Variants in PDE11A observed in about 807,000 individuals in gnomAD.
The protein encoded by PDE11A is dual 3',5'-cyclic-AMP and -GMP phosphodiesterase 11A.
PDE11A carries 100 observed loss-of-function variants against 100.5 expected under a neutral mutation model. The observed-to-expected ratio is 1.00, with a 90% CI of 0.85 to 1.18. PDE11A has a LOEUF of 1.18. PDE11A is among the 50% of genes most tolerant of loss of function. PDE11A has a pLI of 0.00. For missense variants in PDE11A, 1,141 were observed against 1,152.6 expected, an observed-to-expected ratio of 0.99 and a Z score of 0.15; for synonymous variants, 381 against 420.8, an observed-to-expected ratio of 0.91 and a Z score of 1.16.
intron 5 of PDE11A, among the ~76,000 whole-genome samples, chr2:177,864,824 A>C (rs2105676336): frequency 6.6e-6 from 1 of 152,316 alleles, no homozygotes; most frequent in East Asian, 1.9e-4. Flanking sequence ...TGTACACACG[A>C]GGGATGCCAT....
intron 6 of PDE11A, among the ~76,000 whole-genome samples, chr2:177,837,381 C>T (rs1172177664): frequency 6.6e-6 from 1 of 152,086 alleles, no homozygotes; most frequent in Non-Finnish European, 1.5e-5. Context: ...GGAGCATGAC[C>T]TGTAACTACG....
chr2:177,727,135 A>G (rs973632978), intron 12 of PDE11A, among the ~76,000 whole-genome samples: 1 of 152,064 alleles, frequency 6.6e-6, no homozygotes, highest in Admixed American at 6.6e-5. Flanking sequence ...TTAAAACCCC[A>G]CGGGACGAGA....
chr2:178,023,177 T>C (rs906923803), intron 1 of PDE11A, among the ~76,000 whole-genome samples: 1 of 152,194 alleles, frequency 6.6e-6, no homozygotes, highest in Non-Finnish European at 1.5e-5. Flanking sequence ...GAGTTGAATG[T>C]GGTGCCATGA....
At chr2:177,770,278 A>G (rs886492485) in intron 9 of PDE11A, among the ~76,000 whole-genome samples, 1 of 152,224 alleles carries the variant, frequency 6.6e-6, no homozygotes, top group Admixed American at 6.5e-5. Context: ...AGGGAAGGGC[A>G]TGGCCTGAGA....
At chr2:177,830,675 T>C (rs1204992360) in intron 6 of PDE11A, among the ~76,000 whole-genome samples, 2 of 150,202 alleles carry the variant, frequency 1.3e-5, no homozygotes, top group Non-Finnish European at 3.0e-5. Context: ...GTGCTGAGTT[T>C]GTGGTGATCT....
At chr2:178,018,569 A>C in intron 1 of PDE11A, 1 of 354,656 alleles carries the variant, frequency 2.8e-6, no homozygotes, top group Non-Finnish European at 5.5e-6. Flanking sequence ...AAAAGGAAGT[A>C]ACAGATAAGT....
At chr2:177,774,445 T>G (rs1228489107) in intron 9 of PDE11A, among the ~76,000 whole-genome samples, 2 of 152,224 alleles carry the variant, frequency 1.3e-5, no homozygotes, top group South Asian at 2.1e-4. Flanking sequence ...AGTATTAAAC[T>G]TGGGAGAGCA....
intron 2 of PDE11A, among the ~76,000 whole-genome samples, chr2:178,079,816 T>C (rs2087260470): frequency 6.6e-6 from 1 of 152,202 alleles, no homozygotes; most frequent in Non-Finnish European, 1.5e-5. Context: ...TTCTTGGCTT[T>C]TTAATAATTG....
At chr2:178,040,625 G>A (rs954164254) in intron 1 of PDE11A, among the ~76,000 whole-genome samples, 60 of 152,168 alleles carry the variant, frequency 3.9e-4, no homozygotes, top group African/African-American at 1.3e-3. Context: ...TATGTTAATA[G>A]GAACACTGTG....
chr2:178,015,762 G>C (rs1479783475), intron 1 of PDE11A, among the ~76,000 whole-genome samples: 1 of 151,962 alleles, frequency 6.6e-6, no homozygotes, highest in Non-Finnish European at 1.5e-5. Context: ...GGGAGGGAGA[G>C]AAGGGAAGGA....
intron 5 of PDE11A, among the ~76,000 whole-genome samples, chr2:177,866,756 C>A (rs2084036572): frequency 1.3e-5 from 2 of 152,160 alleles, no homozygotes; most frequent in Non-Finnish European, 2.9e-5. Flanking sequence ...GTGCCTAATT[C>A]GAAGGATAAT....
chr2:177,937,373 A>C (rs935621953), intron 2 of PDE11A, among the ~76,000 whole-genome samples: 1 of 142,494 alleles, frequency 7.0e-6, no homozygotes, highest in Non-Finnish European at 1.5e-5. Context: ...GCTGGAGTGC[A>C]ATGGTGCAAT....
intron 19 of PDE11A, among the ~76,000 whole-genome samples, chr2:177,647,143 C>T (rs61457959): frequency 0.098 from 14,903 of 152,220 alleles, 911 homozygotes; most frequent in East Asian, 0.19. Flanking sequence ...TTTCCATATA[C>T]TGGAATGTTT....
intron 6 of PDE11A, among the ~76,000 whole-genome samples, chr2:177,825,219 A>G (rs2083209717): frequency 6.6e-6 from 1 of 152,182 alleles, no homozygotes; most frequent in Non-Finnish European, 1.5e-5. Context: ...CCATAATGAG[A>G]AAGCAGAGCT....
At position 177,795,934 on chromosome 2, in the gene PDE11A, A is replaced by AATATATATATAT. The variant is rs1558942848; in HGVS notation, c.1737+20894_1737+20895insATATATATATAT. Among the ~76,000 whole-genome samples the AATATATATATAT allele has an allele frequency of 2.0e-4, 7 of 35,380 alleles. No homozygotes were observed. In the East Asian group the frequency reaches 3.0e-3, roughly 15 times the overall value. 23.2% of individuals were successfully genotyped at this position (35,380 alleles called of 152,430 possible). A position where few individuals can be genotyped will look rare whatever the true frequency, so the allele number is the denominator to read the frequency against. On this transcript the variant is annotated intron_variant, in intron 9 of 19. Transcript: ENST00000286063. ...TAATTATTACTATTATTTTGTTTAA[A>AATATATATATAT]CTATATATATATATATATATATATA...
intron 5 of PDE11A, among the ~76,000 whole-genome samples, chr2:177,858,161 C>T (rs1028676466): frequency 1.3e-5 from 2 of 151,980 alleles, no homozygotes; most frequent in African/African-American, 2.4e-5. Flanking sequence ...AAAACCTAGG[C>T]AATACCATTC....
At chr2:177,785,303 GA>G (rs35520979) in intron 9 of PDE11A, among the ~76,000 whole-genome samples, 50,505 of 151,766 alleles carry the variant, frequency 0.33, 8,780 homozygotes, top group African/African-American at 0.39. Flanking sequence ...GAGAGAACCA[GA>G]AAAAAAACTG....
chr2:177,999,983 G>A (rs1349982506), intron 2 of PDE11A, among the ~76,000 whole-genome samples: 3 of 152,058 alleles, frequency 2.0e-5, no homozygotes, highest in Admixed American at 1.3e-4. Context: ...GCCTGCTTTG[G>A]TAATATAGTC....
chr2:177,667,802 T>G (rs1201263732), intron 18 of PDE11A, among the ~76,000 whole-genome samples: 1 of 152,192 alleles, frequency 6.6e-6, no homozygotes, highest in East Asian at 1.9e-4. Context: ...CAGGCAGGCT[T>G]TCCTAACTGA....
Sources: gnomAD v4.1 joint callset for allele counts (sites outside exome capture counted in the v4.1 genomes callset) on GRCh38, gnomAD v4.1.1 for gene constraint, MANE v1.5 for transcripts, NCBI Gene and HGNC (gene_info 2026-07-23, HGNC 2026-07-21) for gene names.